BCAS3: variants seen among roughly 807,000 people sequenced by gnomAD.
The protein encoded by BCAS3 is BCAS4/BCAS3 fusion.
BCAS3 carries 53 observed loss-of-function variants against 116.1 expected under a neutral mutation model. The observed-to-expected ratio is 0.46, with a 90% confidence interval of 0.37 to 0.57. The LOEUF is 0.57. BCAS3 is among the 20% of genes least tolerant of loss of function. The probability of loss-of-function intolerance (pLI) is 0.00; values close to 1 mark genes in which losing one functional copy is unlikely to be tolerated. For missense variants in BCAS3, 917 were observed against 1,165.4 expected, an observed-to-expected ratio of 0.79 and a Z score of 3.10; for synonymous variants, 391 against 408.2, an observed-to-expected ratio of 0.96 and a Z score of 0.51.
intron 6 of BCAS3, among the ~76,000 whole-genome samples, chr17:60,761,538 A>T (rs375926307): frequency 7.9e-5 from 12 of 152,202 alleles, no homozygotes; most frequent in Non-Finnish European, 1.6e-4. Context: ...ACATGAACTC[A>T]TCATTTTTAT....
intron 13 of BCAS3, among the ~76,000 whole-genome samples, chr17:60,941,283 AT>A (rs2060209645): frequency 6.6e-6 from 1 of 152,036 alleles, no homozygotes; most frequent in Non-Finnish European, 1.5e-5. Flanking sequence ...TTGGCACCTC[AT>A]TTGGGGCGTG....
intron 10 of BCAS3, among the ~76,000 whole-genome samples, chr17:60,902,260 C>T (rs1001093064): frequency 2.6e-5 from 4 of 152,152 alleles, no homozygotes; most frequent in African/African-American, 9.7e-5. Context: ...GTTAGCATGT[C>T]AGATATTTAA....
chr17:60,792,832 C>T (rs1232447390), intron 6 of BCAS3, among the ~76,000 whole-genome samples: 1 of 152,114 alleles, frequency 6.6e-6, no homozygotes, highest in Non-Finnish European at 1.5e-5. Flanking sequence ...CCAAGTAAAC[C>T]CCTTTTCTTT....
chr17:60,856,900 A>T (rs545268924), intron 7 of BCAS3, among the ~76,000 whole-genome samples: 3 of 152,262 alleles, frequency 2.0e-5, no homozygotes, highest in Admixed American at 6.5e-5. Context: ...CTTTTAATTA[A>T]CCCTCTTCAC....
intron 19 of BCAS3, among the ~76,000 whole-genome samples, chr17:61,044,949 A>G (rs1216856498): frequency 6.6e-6 from 1 of 151,790 alleles, no homozygotes; most frequent in Admixed American, 6.6e-5. Context: ...TTTAGTAGAG[A>G]TGGGGTTTCA....
Position 61,045,864 on chromosome 17 carries a change from T to TATATAAATATATATTATATATA in BCAS3, c.2029+4973_2029+4974insTATAAATATATATTATATATAA, listed in dbSNP as rs1555684813. 9.5e-5 allele frequency among the ~76,000 whole-genome samples: 3 copies of TATATAAATATATATTATATATA among 31,454 alleles called. 1 individual carries two copies. Among genetic ancestry groups the TATATAAATATATATTATATATA allele is most frequent in the Non-Finnish European group, 1.3e-4 (3 of 22,978 alleles). The allele number at this position is 31,454 out of a possible 152,430, so 20.6% of individuals were successfully genotyped here. On this transcript the variant is annotated intron_variant, in intron 19 of 23. Coordinates refer to ENST00000407086, the MANE Select transcript of BCAS3 (RefSeq NM_017679.5). ...CTCTCTCTCTCTATATATATATATA[T>TATATAAATATATATTATATATA]AAATATATATAAATATATATTATAT...
Position 61,057,781 on chromosome 17 carries a change from G to C in BCAS3, c.2029+16889G>C, listed in dbSNP as rs77621007. Among the ~76,000 whole-genome samples, 33 of 151,948 alleles carry C rather than the reference G, an allele frequency of 2.2e-4. No individual in the cohort carries two copies. In the East Asian group the frequency reaches 6.0e-3, roughly 28 times the overall value. ...AAAGCAGCCTGTGCTATTCTTTATGGAAAATGTATGTTTCATAAACATTTT... is the reference window on the plus strand; with the variant it reads ...AAAGCAGCCTGTGCTATTCTTTATGCAAAATGTATGTTTCATAAACATTTT... On this transcript the variant is annotated intron_variant, in intron 19 of 23. Coordinates refer to ENST00000407086, the MANE Select transcript of BCAS3 (RefSeq NM_017679.5).
chr17:61,350,945 A>G (rs2057802653), intron 22 of BCAS3, among the ~76,000 whole-genome samples: 1 of 152,166 alleles, frequency 6.6e-6, no homozygotes, highest in African/African-American at 2.4e-5. Flanking sequence ...TCAATCTTAA[A>G]AAAGAAGGAG....
At chr17:60,980,251 C>T (rs1568025120) in intron 14 of BCAS3, among the ~76,000 whole-genome samples, 1 of 152,146 alleles carries the variant, frequency 6.6e-6, no homozygotes, top group Non-Finnish European at 1.5e-5. Context: ...TATATTTCCC[C>T]TATGGAAATT....
intron 22 of BCAS3, among the ~76,000 whole-genome samples, chr17:61,237,713 A>AGT (rs1206011565): frequency 1.4e-4 from 21 of 152,244 alleles, no homozygotes; most frequent in Admixed American, 1.3e-3. Context: ...AGAGAAACGA[A>AGT]GTAACTTTCC....
chr17:60,797,196 G>T (rs747891905), intron 6 of BCAS3, among the ~76,000 whole-genome samples: 2 of 151,862 alleles, frequency 1.3e-5, no homozygotes. Context: ...GTGCTTGGCC[G>T]TTTTCCTTCT....
chr17:61,295,099 C>G (rs1431678678), intron 22 of BCAS3, among the ~76,000 whole-genome samples: 75 of 152,314 alleles, frequency 4.9e-4, no homozygotes, highest in Non-Finnish European at 1.5e-5. Context: ...GTGCTGAAGT[C>G]TTGATTGGAG....
At chr17:60,690,023 TGGTTTTCTTAAAAAA>T (rs537741736) in intron 4 of BCAS3, among the ~76,000 whole-genome samples, 138 of 152,256 alleles carry the variant, frequency 9.1e-4, no homozygotes, top group African/African-American at 3.2e-3. Flanking sequence ...GGCAGAAAAA[TGGTTTTCTTAAAAAA>T]GGAGTTATTC....
chr17:60,820,962 T>C (rs1388278022), intron 7 of BCAS3, among the ~76,000 whole-genome samples: 2 of 152,246 alleles, frequency 1.3e-5, no homozygotes, highest in Non-Finnish European at 2.9e-5. Flanking sequence ...AACTTTTTTT[T>C]TGAGACGGAG....
At chr17:61,182,032 C>A (rs568003631) in intron 22 of BCAS3, among the ~76,000 whole-genome samples, 1 of 152,174 alleles carries the variant, frequency 6.6e-6, no homozygotes, top group East Asian at 1.9e-4. Flanking sequence ...CACCACTACA[C>A]CTGGCTAATT....
chr17:61,031,054 A>C (rs2066600202), intron 16 of BCAS3, among the ~76,000 whole-genome samples: 1 of 152,076 alleles, frequency 6.6e-6, no homozygotes. Context: ...TAACTTAATA[A>C]ATGATTAAAT....
rs548270502 is a variant in BCAS3, at chr17:61,232,689, A to G, written c.2426-135638A>G. Among the ~76,000 whole-genome samples the G allele has an allele frequency of 3.0e-4, 45 of 152,206 alleles. 1 individual carries two copies. The highest frequency in any genetic ancestry group is 1.1e-3 in the African/African-American group (45 of 41,516). ...GGAAAAAAAATCACAATGGTAGAAA[A>G]TTCTTTGCAAATCCTATTGTAGTCT... is the stretch of plus-strand genomic sequence containing the variant. On this transcript the variant is annotated intron_variant, in intron 22 of 23. Coordinates refer to ENST00000407086, the MANE Select transcript of BCAS3 (RefSeq NM_017679.5).
At position 61,339,317 on chromosome 17, in the gene BCAS3, T is replaced by G. The variant is rs988887683; in HGVS notation, c.2426-29010T>G. On this transcript the variant is annotated intron_variant, in intron 22 of 23. Transcript: ENST00000407086. This position sits in a 1 kb window ranked among gnomAD's most constrained non-coding sequence, Gnocchi z 4.4. ...CAATGAAGAAAGGGTTTTGGTTTGG[T>G]GAGTGCACTGGCTCCCTTGGATCCA... 2.6e-5 allele frequency among the ~76,000 whole-genome samples: 4 copies of G among 152,142 alleles called. No individual in the cohort carries two copies. The highest frequency in any genetic ancestry group is 6.5e-5 in the Admixed American group (1 of 15,284).
rs1022164887 is a variant in BCAS3 at position 61,235,626 on chromosome 17, C to T, written c.2426-132701C>T. Among the ~76,000 whole-genome samples the T allele has an allele frequency of 4.0e-5, 6 of 151,280 alleles. No individual in the cohort carries two copies. Among genetic ancestry groups the T allele is most frequent in the East Asian group, 1.9e-4 (1 of 5,152 alleles). On this transcript the variant is annotated intron_variant, in intron 22 of 23. Transcript: ENST00000407086. This position sits in a 1 kb window ranked among gnomAD's most constrained non-coding sequence, Gnocchi z 5.0. ...GTTAGTGCTACCTCTTTCTAAACAG[C>T]GCCAGCCATGAAGCTTTTGACCTTT...
Sources: allele counts gnomAD v4.1 joint callset (sites outside exome capture counted in the v4.1 genomes callset), GRCh38; gene constraint gnomAD v4.1.1; non-coding constraint Gnocchi (gnomAD v3.1); transcripts MANE v1.5; gene names NCBI Gene and HGNC (gene_info 2026-07-23, HGNC 2026-07-21).